Variants in CHRNB4 observed in about 807,000 individuals in gnomAD.
CHRNB4 encodes cholinergic receptor nicotinic beta 4 subunit, also known as neuronal acetylcholine receptor subunit beta-4.
Under a neutral mutation model 40.4 loss-of-function variants are expected in CHRNB4, and 23 were observed. That is an observed-to-expected ratio of 0.57 (90% CI 0.41 to 0.81). The LOEUF (loss-of-function observed/expected upper bound fraction) is 0.81, where lower values mean the gene tolerates loss of function less well. CHRNB4 is among the 30% of genes least tolerant of loss of function. The pLI is 0.00. For missense variants in CHRNB4, 568 were observed against 670.6 expected (o/e 0.85, Z 1.69); for synonymous variants, 285 against 274.4 (o/e 1.04, Z -0.38).
At chr15:78,644,227 C>T (rs1007755242), upstream of CHRNB4, among the ~76,000 whole-genome samples, 7 of 151,346 alleles carry the variant, frequency 4.6e-5, no homozygotes, top group East Asian at 7.7e-4. Flanking sequence ...GCAAAATATA[C>T]GTAAGGCCTT....
chr15:78,655,938 T>A (rs1447339175), intron 4 of CHRNB4, among the ~76,000 whole-genome samples: 1 of 152,156 alleles, frequency 6.6e-6, no homozygotes, highest in Non-Finnish European at 1.5e-5. Flanking sequence ...AGTGTAGAGG[T>A]TTGATAGATT....
At chr15:78,649,462 C>T (rs944005979) in intron 6 of CHRNB4, 1 of 447,448 alleles carries the variant, frequency 2.2e-6, no homozygotes, top group Non-Finnish European at 4.5e-6. Context: ...GTTTTTATAA[C>T]ATTAAAGCAC....
intron 2 of CHRNB4, among the ~76,000 whole-genome samples, chr15:78,632,140 T>C (rs1222561894): frequency 2.5e-5 from 3 of 118,146 alleles, no homozygotes; most frequent in East Asian, 5.3e-4. Flanking sequence ...TCTTTTTCTT[T>C]CTTTCTTTCT....
At chr15:78,641,443 G>A (rs550691846), upstream of CHRNB4, among the ~76,000 whole-genome samples, 1 of 152,202 alleles carries the variant, frequency 6.6e-6, no homozygotes, top group Non-Finnish European at 1.5e-5. Flanking sequence ...TGGTACAGCT[G>A]GGGAGACTGA....
At chr15:78,654,953 C>A (rs933469516) in intron 5 of CHRNB4, among the ~76,000 whole-genome samples, 2 of 152,138 alleles carry the variant, frequency 1.3e-5, no homozygotes, top group African/African-American at 4.8e-5. Context: ...AGTTTCCCCC[C>A]ACCCCAACTT....
At chr15:78,637,652 C>A (rs1164663112) in intron 1 of CHRNB4, among the ~76,000 whole-genome samples, 1 of 152,194 alleles carries the variant, frequency 6.6e-6, no homozygotes, top group Non-Finnish European at 1.5e-5. Flanking sequence ...CCCAATTAGG[C>A]AGGCCTGAGG....
At chr15:78,653,265 A>C (rs2054187734) in intron 5 of CHRNB4, among the ~76,000 whole-genome samples, 1 of 152,176 alleles carries the variant, frequency 6.6e-6, no homozygotes, top group South Asian at 2.1e-4. Flanking sequence ...GCAGGACATT[A>C]AGCTGTTTCA....
Position 78,625,049 on chromosome 15 carries a change from G to T in CHRNB4, c.*84C>A. 6.2e-7 allele frequency: 1 copy of T among 1,607,518 alleles called. No individual in the cohort carries two copies. On this transcript the variant is annotated 3_prime_UTR_variant, in exon 6 of 6. Coordinates refer to ENST00000261751, the MANE Select transcript of CHRNB4 (RefSeq NM_000750.5). Reference sequence around the variant, plus strand: ...GCCAATGCTCACATATTTACTTAGGGCCTCATCAGCCACAACCCAGAAAGA... The same window carrying T: ...GCCAATGCTCACATATTTACTTAGGTCCTCATCAGCCACAACCCAGAAAGA...
chr15:78,646,552 G>C (rs1376780195), intron 7 of CHRNB4, among the ~76,000 whole-genome samples: 1 of 152,218 alleles, frequency 6.6e-6, no homozygotes, highest in African/African-American at 2.4e-5. Context: ...AGATGTCCAA[G>C]ATCAGGGTGC....
intron 1 of CHRNB4, 111 bp downstream of exon 1, chr15:78,640,968 G>C (rs1182462726): frequency 5.7e-6 from 7 of 1,237,512 alleles, no homozygotes; most frequent in African/African-American, 4.7e-5. Flanking sequence ...GGACAATCTC[G>C]GGCCACTCCC....
upstream of CHRNB4, among the ~76,000 whole-genome samples, chr15:78,644,176 A>G (rs1596120867): frequency 6.6e-6 from 1 of 151,602 alleles, no homozygotes; most frequent in East Asian, 1.9e-4. Flanking sequence ...AAAAAAAAAG[A>G]TTCTATTCAC....
intron 4 of CHRNB4, chr15:78,630,789 T>C: frequency 2.5e-6 from 1 of 393,920 alleles, no homozygotes; most frequent in Non-Finnish European, 4.7e-6. Flanking sequence ...AAGGATAGTA[T>C]GGAACACAGA....
At chr15:78,657,369 C>T (rs1483393946) in exon 3 of CHRNB4, 1 of 152,138 alleles carries the variant, frequency 6.6e-6, no homozygotes, top group African/African-American at 2.4e-5. Context: ...ACCTCCTCCA[C>T]CAGCTGCACA....
At chr15:78,631,507 G>A (rs1327995012) in intron 2 of CHRNB4, among the ~76,000 whole-genome samples, 175 bp from the exon 3 acceptor site, 1 of 152,208 alleles carries the variant, frequency 6.6e-6, no homozygotes, top group Non-Finnish European at 1.5e-5. Flanking sequence ...CAAAGCTCAT[G>A]ATCTTCCCCA....
chr15:78,638,492 CCT>C (rs2054001485), intron 1 of CHRNB4, among the ~76,000 whole-genome samples: 2 of 152,342 alleles, frequency 1.3e-5, no homozygotes, highest in African/African-American at 2.4e-5. Context: ...TTCCCTGACC[CCT>C]GAGCCTTCTT....
At chr15:78,627,865 T>TA (rs2053694432) in intron 5 of CHRNB4, 1 of 152,176 alleles carries the variant, frequency 6.6e-6, no homozygotes, top group South Asian at 2.1e-4. Context: ...AACCTCTTTT[T>TA]AAAAAATCCG....
Position 78,635,537 on chromosome 15 carries a change from T to A in CHRNB4, c.106A>T (p.Asn36Tyr). 6.2e-7 allele frequency: 1 copy of A among 1,614,168 alleles called. No homozygotes were observed. The highest frequency in any genetic ancestry group is 8.5e-7 in the Non-Finnish European group (1 of 1,180,040). The change falls in exon 2 of 6, where the codon AAC becomes TAC. Residue 36 changes from asparagine (N) to tyrosine (Y), a missense_variant. Coordinates refer to ENST00000261751, the MANE Select transcript of CHRNB4 (RefSeq NM_000750.5). Reference sequence around the variant, plus strand: ...ATCAGGTTATTGTAACGGGTTTTGTTCAGAAGGTCGTCCATCAGCTTTTCC... The same window carrying A: ...ATCAGGTTATTGTAACGGGTTTTGTACAGAAGGTCGTCCATCAGCTTTTCC... ...AEEKLMDDLL[N>Y]KTRYNNLIRP...
At position 78,624,949 on chromosome 15, in the gene CHRNB4, A is replaced by G; in HGVS notation, c.*184T>C. On this transcript the variant is annotated 3_prime_UTR_variant, in exon 6 of 6. Coordinates refer to ENST00000261751, the MANE Select transcript of CHRNB4 (RefSeq NM_000750.5). ...ACTGGGGCTTCCTGGGATCCCTCCA[A>G]GGCATTCAGAGAGGACAGCCCAGGC... is the stretch of plus-strand genomic sequence containing the variant. The G allele has an allele frequency of 2.0e-6, 3 of 1,517,832 alleles. No homozygotes were observed. The highest frequency in any genetic ancestry group is 2.6e-6 in the Non-Finnish European group (3 of 1,138,056). 94.0% of individuals were successfully genotyped at this position (1,517,832 alleles called of 1,614,324 possible). A position where few individuals can be genotyped will look rare whatever the true frequency, so the allele number is the denominator to read the frequency against.
upstream of CHRNB4, among the ~76,000 whole-genome samples, chr15:78,642,943 G>A (rs62010823): frequency 3.3e-5 from 5 of 152,124 alleles, no homozygotes; most frequent in Non-Finnish European, 7.4e-5. Context: ...TCTTCTCTGT[G>A]ACCTTAGGCA....
Sources: gnomAD v4.1 joint callset for allele counts (sites outside exome capture counted in the v4.1 genomes callset) on GRCh38, gnomAD v4.1.1 for gene constraint, MANE v1.5 for transcripts, NCBI Gene and HGNC (gene_info 2026-07-23, HGNC 2026-07-21) for gene names.